ATM: variants seen among roughly 807,000 people sequenced by gnomAD.
ATM encodes ATM serine/threonine kinase.
In ATM, 308 loss-of-function variants were observed where a neutral mutation model predicts 387.0. That is an observed-to-expected ratio of 0.80 (90% CI 0.73 to 0.87). The LOEUF (loss-of-function observed/expected upper bound fraction) is 0.87, where lower values mean the gene tolerates loss of function less well. Among genes scored for constraint, ATM ranks in the 40% least tolerant of loss-of-function variants. The pLI, the probability that ATM is intolerant of heterozygous loss-of-function variation, is 0.00. For synonymous variants in ATM, 1,156 were observed against 1,187.3 expected (o/e 0.97, Z 0.54); for missense variants, 3,312 against 3,560.9 (o/e 0.93, Z 1.78).
rs587781324 is a variant in ATM at position 108,332,905 on chromosome 11, G to GT, written c.7927+13dup. 7.0e-5 allele frequency: 113 copies of GT among 1,610,190 alleles called. No individual in the cohort carries two copies. The highest frequency in any genetic ancestry group is 1.7e-4 in the Middle Eastern group (1 of 6,010). Reference sequence around the variant, plus strand: ...CTCAGTGGAAGACTCAGAGAAGTATGTTTTTTTTAAAGAAGAAACGTTACT... The same window carrying GT: ...CTCAGTGGAAGACTCAGAGAAGTATGTTTTTTTTTAAAGAAGAAACGTTACT... On this transcript the variant is annotated splice_donor_region_variant and intron_variant, in intron 53 of 62. Coordinates refer to ENST00000675843, the MANE Select transcript of ATM (RefSeq NM_000051.4).
rs2081651183 is a variant in ATM, at chr11:108,272,667, T to C, written c.3154-55T>C. On this transcript the variant is annotated intron_variant, in intron 21 of 62. Coordinates refer to ENST00000675843, the MANE Select transcript of ATM (RefSeq NM_000051.4). ...TGAAAATTTTAAAGCAGTCTTTGTT[T>C]GTTAATGAGTAATTTTTCTCTATTT... The C allele has an allele frequency of 4.3e-6, 7 of 1,612,998 alleles. No homozygotes were observed. In the African/African-American group the frequency reaches 8.0e-5, roughly 18 times the overall value.
chr11:108,357,149 G>A (rs2090063301), intron 61 of ATM, among the ~76,000 whole-genome samples: 1 of 152,212 alleles, frequency 6.6e-6, no homozygotes, highest in African/African-American at 2.4e-5. Flanking sequence ...CAAGGGTCAG[G>A]GAGTTCCCTT....
intron 43 of ATM, among the ~76,000 whole-genome samples, chr11:108,318,497 C>T (rs940727361): frequency 2.0e-5 from 3 of 152,026 alleles, no homozygotes; most frequent in East Asian, 3.9e-4. Context: ...TGAGACCAGC[C>T]GGGCCAACAT....
intron 37 of ATM, among the ~76,000 whole-genome samples, chr11:108,307,593 C>T (rs2083788762): frequency 6.6e-6 from 1 of 152,208 alleles, no homozygotes; most frequent in East Asian, 1.9e-4. Flanking sequence ...TGTGGTCTGA[C>T]ATGATCTGTC....
intron 12 of ATM, 71 bp from the exon 13 acceptor site, chr11:108,253,743 A>G (rs540503159): frequency 4.6e-6 from 5 of 1,082,112 alleles, no homozygotes; most frequent in African/African-American, 1.6e-5. Flanking sequence ...CCTTTGTAAT[A>G]TATTGCTAAT....
rs17107917 is a variant in ATM, at chr11:108,317,312, C to G, written c.6199-61C>G. ...TAATTTGTATCTTTGCTGTTTTTTT[C>G]TCTGGTTTTCTGTTGATATCTTTGA... On this transcript the variant is annotated intron_variant, in intron 42 of 62. Coordinates refer to ENST00000675843, the MANE Select transcript of ATM (RefSeq NM_000051.4). 0.037 allele frequency: 57,043 copies of G among 1,536,150 alleles called. 1,201 individuals carry two copies. The highest frequency in any genetic ancestry group is 0.067 in the Middle Eastern group (388 of 5,798).
intron 45 of ATM, 57 bp from the exon 46 acceptor site, chr11:108,325,249 GTTTT>G (rs11366542): frequency 1.1e-3 from 618 of 564,190 alleles, no homozygotes; most frequent in Non-Finnish European, 1.2e-3. Flanking sequence ...AACTTACATA[GTTTT>G]TTTTTTTTTT....
chr11:108,311,370 T>A (rs673308), intron 39 of ATM, among the ~76,000 whole-genome samples: 152,304 of 152,308 alleles, frequency 1, 76,150 homozygotes, highest in Middle Eastern at 1. Flanking sequence ...TGAAGAAGGG[T>A]GCCAAAGTAT....
chr11:108,276,342 C>T (rs1353644830), intron 22 of ATM, among the ~76,000 whole-genome samples: 1 of 152,200 alleles, frequency 6.6e-6, no homozygotes, highest in Admixed American at 6.5e-5. Context: ...TATTACCCAT[C>T]TTCCGAAGCC....
At chr11:108,338,088 C>G (rs780635215) in intron 56 of ATM, among the ~76,000 whole-genome samples, 13 of 152,274 alleles carry the variant, frequency 8.5e-5, no homozygotes, top group Non-Finnish European at 1.8e-4. Context: ...GTGGCCCACG[C>G]CTGTAATCCC....
intron 57 of ATM, among the ~76,000 whole-genome samples, chr11:108,344,961 C>T (rs2088118991): frequency 6.6e-6 from 1 of 152,000 alleles, no homozygotes; most frequent in South Asian, 2.1e-4. Flanking sequence ...TGTGATCACA[C>T]CCCTGCACTC....
At chr11:108,308,272 A>G (rs922398685) in intron 38 of ATM, among the ~76,000 whole-genome samples, 1 of 152,146 alleles carries the variant, frequency 6.6e-6, no homozygotes, top group African/African-American at 2.4e-5. Flanking sequence ...TAGGGATAGG[A>G]GCAAGTGTTT....
chr11:108,306,246 C>G (rs1221734247), intron 37 of ATM, among the ~76,000 whole-genome samples: 1 of 151,828 alleles, frequency 6.6e-6, no homozygotes, highest in East Asian at 1.9e-4. Flanking sequence ...TCCTGTGATC[C>G]TACTAGATTA....
At chr11:108,360,414 G>A (rs2090584809) in intron 61 of ATM, among the ~76,000 whole-genome samples, 1 of 143,210 alleles carries the variant, frequency 7.0e-6, no homozygotes, top group Non-Finnish European at 1.5e-5. Flanking sequence ...CCAATCAATA[G>A]AAAAAGAGGG....
In ATM at chr11:108,326,220, G is replaced by A; in HGVS notation, c.6970G>A (p.Ala2324Thr). ...GATCAAGAAGTTGGATGCCAGCTGT[G>A]CAGCGGTTTGTTTTTTTTATTGGCT... is the stretch of plus-strand genomic sequence containing the variant. ...QMIKKLDASC[A>T]ANNPSLKLTY... Residue 2324 changes from alanine to threonine, a missense_variant, in exon 47 of 63, where the codon GCA (alanine) becomes ACA (threonine). Ala to Thr is a moderately conservative substitution (Grantham distance 58). Coordinates refer to ENST00000675843, the MANE Select transcript of ATM (RefSeq NM_000051.4). The A allele has an allele frequency of 6.2e-7, 1 of 1,614,064 alleles. No homozygotes were observed. The highest frequency in any genetic ancestry group is 8.5e-7 in the Non-Finnish European group (1 of 1,179,998).
At chr11:108,232,248 T>C (rs2079051417) in intron 4 of ATM, among the ~76,000 whole-genome samples, 1 of 152,234 alleles carries the variant, frequency 6.6e-6, no homozygotes, top group African/African-American at 2.4e-5. Flanking sequence ...ACGGCTTCCT[T>C]TTCTTTCAAA....
rs1364244917 is a variant in ATM at position 108,250,691 on chromosome 11, T to C, written c.1236-10T>C. 6.3e-7 allele frequency: 1 copy of C among 1,598,432 alleles called. No homozygotes were observed. Among genetic ancestry groups the C allele is most frequent in the African/African-American group, 1.3e-5 (1 of 74,686 alleles). ...ATAGTTTTCAAATTATCCTTTTTTT[T>C]TTTTTTTAGGCTACAGATTGCAACC... On this transcript the variant is annotated splice_polypyrimidine_tract_variant and intron_variant, in intron 9 of 62. Coordinates refer to ENST00000675843, the MANE Select transcript of ATM (RefSeq NM_000051.4).
rs376169886 is a variant in ATM at position 108,310,250 on chromosome 11, C to A, written c.5853C>A (p.His1951Gln). 1 of 1,613,428 alleles carries A rather than the reference C, an allele frequency of 6.2e-7. No homozygotes were observed. The change falls in exon 39 of 63, where the codon CAC (histidine) becomes CAA (glutamine). Residue 1951 changes from histidine (H) to glutamine (Q), a missense_variant. Physicochemically the swap from His to Gln is conservative, Grantham distance 24 (BLOSUM62 0). Coordinates refer to ENST00000675843, the MANE Select transcript of ATM (RefSeq NM_000051.4). ...VAKVAQSCAAHFTALLYAEIY... is the reference protein window; with the variant it reads ...VAKVAQSCAAQFTALLYAEIY... The stretch of plus-strand genomic sequence containing the variant: ...AGGTAGCTCAGTCTTGTGCTGCTCA[C>A]TTTACAGCTTTACTCTATGCAGAAA...
intron 16 of ATM, among the ~76,000 whole-genome samples, chr11:108,259,809 T>A (rs1178052739): frequency 6.6e-6 from 1 of 152,212 alleles, no homozygotes; most frequent in East Asian, 1.9e-4. Context: ...TTCTTTTTTC[T>A]GGAACACTGC....
Sources: allele counts gnomAD v4.1 joint callset (sites outside exome capture counted in the v4.1 genomes callset), GRCh38; gene constraint gnomAD v4.1.1; transcripts MANE v1.5; gene names NCBI Gene and HGNC (gene_info 2026-07-23, HGNC 2026-07-21).